The following NCOA1 variants were observed in gnomAD, a reference collection of about 807,000 sequenced individuals.
NCOA1 encodes nuclear receptor coactivator 1, also known as Hin-2 protein.
Under a neutral mutation model 150.9 loss-of-function variants are expected in NCOA1, and 35 were observed. The ratio of observed to expected loss-of-function variants is 0.23; its 90% CI spans 0.18 to 0.31. NCOA1 has a LOEUF of 0.31. Among genes scored for constraint, NCOA1 ranks in the 10% least tolerant of loss-of-function variants. The probability of loss-of-function intolerance (pLI) is 1.00; values close to 1 mark genes in which losing one functional copy is unlikely to be tolerated. For missense variants in NCOA1, 1,491 were observed against 1,749.3 expected (o/e 0.85, Z 2.63); for synonymous variants, 590 against 630.0 (o/e 0.94, Z 0.95).
chr2:24,743,131 T>G (rs1357717988), intron 19 of NCOA1, among the ~76,000 whole-genome samples: 1 of 152,228 alleles, frequency 6.6e-6, no homozygotes, highest in African/African-American at 2.4e-5. Flanking sequence ...AATCAAACTT[T>G]TATGCAAAAT....
chr2:24,667,399 C>T (rs942498658), intron 6 of NCOA1, among the ~76,000 whole-genome samples: 13 of 152,230 alleles, frequency 8.5e-5, no homozygotes, highest in African/African-American at 3.1e-4. Context: ...CCACTCCTCA[C>T]CTAACTGCCA....
At chr2:24,646,019 G>A (rs1012348316) in intron 4 of NCOA1, among the ~76,000 whole-genome samples, 8 of 152,118 alleles carry the variant, frequency 5.3e-5, no homozygotes, top group Non-Finnish European at 1.0e-4. Context: ...AAAATTGATA[G>A]AATAATGCAG....
At chr2:24,605,458 A>G (rs977704762) in intron 3 of NCOA1, among the ~76,000 whole-genome samples, 5 of 152,184 alleles carry the variant, frequency 3.3e-5, no homozygotes, top group African/African-American at 1.2e-4. Context: ...GGTTTATACT[A>G]TTCAGTTAAG....
chr2:24,583,347 A>G (rs1009760601), intron 2 of NCOA1, among the ~76,000 whole-genome samples: 19 of 152,158 alleles, frequency 1.2e-4, no homozygotes, highest in Admixed American at 3.9e-4. Context: ...AATCAAAACC[A>G]TAATGAGGAT....
In NCOA1 at chr2:24,525,277, A is replaced by G. The variant is rs547628580; in HGVS notation, c.-396+33675A>G. On this transcript the variant is annotated intron_variant, in intron 1 of 22. Coordinates refer to ENST00000348332, the MANE Select transcript of NCOA1 (RefSeq NM_003743.5). Reference sequence around the variant, plus strand: ...TCTCATTTTCCAAATTTGGGGGACTAGTGGTGGAGTTAAAGATTAGGTTGA... The same window carrying G: ...TCTCATTTTCCAAATTTGGGGGACTGGTGGTGGAGTTAAAGATTAGGTTGA... Among the ~76,000 whole-genome samples, 50 of 152,250 alleles carry G rather than the reference A, an allele frequency of 3.3e-4. 1 individual carries two copies. The highest frequency in any genetic ancestry group is 1.2e-3 in the African/African-American group (50 of 41,540).
chr2:24,669,385 G>T (rs1345530315), intron 6 of NCOA1, among the ~76,000 whole-genome samples: 1 of 152,106 alleles, frequency 6.6e-6, no homozygotes, highest in African/African-American at 2.4e-5. Context: ...AAAAAAACAA[G>T]AAGGCATGCT....
At chr2:24,630,257 A>G (rs550504553) in intron 3 of NCOA1, among the ~76,000 whole-genome samples, 1 of 152,184 alleles carries the variant, frequency 6.6e-6, no homozygotes. Context: ...AAAAGCTGTA[A>G]ATGGAGTTGA....
At chr2:24,757,025 TA>T (rs1173694423) in intron 20 of NCOA1, among the ~76,000 whole-genome samples, 2 of 152,354 alleles carry the variant, frequency 1.3e-5, no homozygotes, top group Admixed American at 1.3e-4. Context: ...ATTTGCCACC[TA>T]AAAACATTTG....
intron 1 of NCOA1, among the ~76,000 whole-genome samples, chr2:24,521,311 T>G (rs934477109): frequency 1.3e-5 from 2 of 152,206 alleles, no homozygotes; most frequent in Non-Finnish European, 2.9e-5. Context: ...GTTACCATGC[T>G]GTAAAATAGA....
intron 1 of NCOA1, among the ~76,000 whole-genome samples, chr2:24,535,185 T>G (rs1318778687): frequency 1.3e-5 from 2 of 152,184 alleles, no homozygotes; most frequent in African/African-American, 4.8e-5. Flanking sequence ...GTTGAATTGA[T>G]CCCTTTACCA....
intron 14 of NCOA1, among the ~76,000 whole-genome samples, chr2:24,719,918 AAAAG>A (rs1293229140): frequency 6.6e-6 from 1 of 152,264 alleles, no homozygotes; most frequent in Non-Finnish European, 1.5e-5. Context: ...AACTCCAGAA[AAAAG>A]AAAGTATGGC....
chr2:24,507,841 A>T lies in NCOA1; in HGVS notation c.-396+16239A>T, dbSNP rs1359310854. 2.6e-5 allele frequency among the ~76,000 whole-genome samples: 4 copies of T among 152,046 alleles called. No individual in the cohort carries two copies. In the South Asian group the frequency reaches 6.2e-4, roughly 24 times the overall value. On this transcript the variant is annotated intron_variant, in intron 1 of 22. Coordinates refer to ENST00000348332, the MANE Select transcript of NCOA1 (RefSeq NM_003743.5). ...AGCATATGGTTTGTGTGGTAAACTT[A>T]CCTCTGACTTTATCTTATTTTCCTT...
intron 1 of NCOA1, 93 bp from the exon 2 acceptor site, chr2:24,564,202 A>C (rs901462523): frequency 1.3e-5 from 2 of 152,230 alleles, no homozygotes; most frequent in Non-Finnish European, 2.9e-5. Flanking sequence ...CTGTGTAAGA[A>C]TCTTTGTATG....
At chr2:24,726,034 A>C (rs892614154) in intron 14 of NCOA1, among the ~76,000 whole-genome samples, 1 of 152,154 alleles carries the variant, frequency 6.6e-6, no homozygotes, top group Non-Finnish European at 1.5e-5. Context: ...TACAAAACAT[A>C]ATTCAACTTC....
chr2:24,767,001 G>A (rs1014008687), intron 22 of NCOA1, among the ~76,000 whole-genome samples: 1 of 152,120 alleles, frequency 6.6e-6, no homozygotes, highest in African/African-American at 2.4e-5. Context: ...GATTCCTTAG[G>A]CACTAGGAAA....
intron 3 of NCOA1, among the ~76,000 whole-genome samples, chr2:24,585,000 G>C (rs931026660): frequency 6.6e-6 from 1 of 152,124 alleles, no homozygotes; most frequent in Non-Finnish European, 1.5e-5. Context: ...GGCTAGAATT[G>C]AAGACTTTCC....
chr2:24,732,498 T>G (rs1407155297), intron 17 of NCOA1, among the ~76,000 whole-genome samples: 1 of 152,218 alleles, frequency 6.6e-6, no homozygotes, highest in African/African-American at 2.4e-5. Context: ...GTCGCTCAGC[T>G]TCACTTGCAC....
chr2:24,629,077 A>G (rs191164780), intron 3 of NCOA1, among the ~76,000 whole-genome samples: 1 of 152,218 alleles, frequency 6.6e-6, no homozygotes, highest in East Asian at 1.9e-4. Flanking sequence ...TTGAATGGGT[A>G]TAAAGGTACC....
In NCOA1 at chr2:24,699,014, A is replaced by G. The variant is rs186532594; in HGVS notation, c.949+1216A>G. On this transcript the variant is annotated intron_variant, in intron 11 of 22. Coordinates refer to ENST00000348332, the MANE Select transcript of NCOA1 (RefSeq NM_003743.5). ...CCTAAGATTGTATTTCACTGGGTAG[A>G]GCTAAGAATCTGTATTTTTTAAAAG... is the stretch of plus-strand genomic sequence containing the variant. Among the ~76,000 whole-genome samples, 193 of 152,270 alleles carry G rather than the reference A, an allele frequency of 1.3e-3. 2 individuals carry two copies. The highest frequency in any genetic ancestry group is 9.5e-3 in the South Asian group (46 of 4,828).
Sources: allele counts gnomAD v4.1 joint callset (sites outside exome capture counted in the v4.1 genomes callset), GRCh38; gene constraint gnomAD v4.1.1; transcripts MANE v1.5; gene names NCBI Gene and HGNC (gene_info 2026-07-23, HGNC 2026-07-21).